ATXN2: variants seen among roughly 807,000 people sequenced by gnomAD.
The protein encoded by ATXN2 is ataxin 2, also known as ataxin-2.
ATXN2 carries 37 observed loss-of-function variants against 138.6 expected under a neutral mutation model. The observed-to-expected ratio is 0.27, with a 90% CI of 0.21 to 0.35. The LOEUF (loss-of-function observed/expected upper bound fraction) is 0.35, where lower values mean the gene tolerates loss of function less well. Among genes scored for constraint, ATXN2 ranks in the 10% least tolerant of loss-of-function variants. The pLI is 1.00. For missense variants in ATXN2, 1,216 were observed against 1,480.3 expected (o/e 0.82, Z 2.93); for synonymous variants, 549 against 543.7 (o/e 1.01, Z -0.13).
intron 1 of ATXN2, among the ~76,000 whole-genome samples, chr12:111,591,763 T>C (rs1434736936): frequency 6.6e-6 from 1 of 152,074 alleles, no homozygotes; most frequent in African/African-American, 2.4e-5. Flanking sequence ...TTTTTTGTTG[T>C]TGTTGTTGTT....
At chr12:111,491,494 C>CA (rs2135706038) in intron 14 of ATXN2, among the ~76,000 whole-genome samples, 1 of 152,194 alleles carries the variant, frequency 6.6e-6, no homozygotes, top group Non-Finnish European at 1.5e-5. Flanking sequence ...TACCACAGCT[C>CA]ACAGCTCTGG....
intron 5 of ATXN2, among the ~76,000 whole-genome samples, chr12:111,538,219 T>A (rs2135765532): frequency 6.6e-6 from 1 of 152,280 alleles, no homozygotes; most frequent in Non-Finnish European, 1.5e-5. Context: ...TATATCCTAT[T>A]TAAGTAATAA....
At chr12:111,455,728 T>C (rs902800055) in intron 23 of ATXN2, 52 of 478,630 alleles carry the variant, frequency 1.1e-4, no homozygotes, top group Admixed American at 8.6e-4. Flanking sequence ...TGAGGCTATA[T>C]AGACATAGCA....
chr12:111,548,201 A>C (rs796302001), intron 5 of ATXN2, among the ~76,000 whole-genome samples: 8 of 152,168 alleles, frequency 5.3e-5, no homozygotes, highest in African/African-American at 1.9e-4. Context: ...CAAAACAAAC[A>C]AACAAACATT....
chr12:111,577,566 G>C (rs113447422), intron 1 of ATXN2, among the ~76,000 whole-genome samples: 1 of 151,574 alleles, frequency 6.6e-6, no homozygotes, highest in African/African-American at 2.4e-5. Flanking sequence ...GGCCCGGCCC[G>C]CATGTTTCAA....
At chr12:111,530,591 G>T (rs1052980110) in intron 5 of ATXN2, among the ~76,000 whole-genome samples, 1 of 152,210 alleles carries the variant, frequency 6.6e-6, no homozygotes, top group African/African-American at 2.4e-5. Flanking sequence ...CAGTCAGGCA[G>T]ATCACGAGGT....
rs547633241 is a variant in ATXN2 at position 111,520,161 on chromosome 12, T to C, written c.789-85A>G. 3.3e-6 allele frequency: 5 copies of C among 1,494,422 alleles called. No individual in the cohort carries two copies. In the African/African-American group the frequency reaches 5.6e-5, roughly 17 times the overall value. 92.6% of individuals were successfully genotyped at this position (1,494,422 alleles called of 1,614,324 possible). On this transcript the variant is annotated intron_variant, in intron 7 of 24. Transcript: ENST00000673436. ...GTCATAATCAACTACTAAGAAAGTTTAGAGTTTAGAATACTGGTAAAAACA... is the reference window on the plus strand; with the variant it reads ...GTCATAATCAACTACTAAGAAAGTTCAGAGTTTAGAATACTGGTAAAAACA...
chr12:111,599,332 G>T (rs1190833080), upstream of ATXN2: 1 of 1,128,116 alleles, frequency 8.9e-7, no homozygotes, highest in Non-Finnish European at 1.1e-6. Context: ...AGGGAGGGGG[G>T]CCGGGGCCGG....
chr12:111,481,628 G>C (rs1877246665), intron 18 of ATXN2, among the ~76,000 whole-genome samples: 1 of 152,054 alleles, frequency 6.6e-6, no homozygotes, highest in Admixed American at 6.6e-5. Context: ...TCTACTTTAG[G>C]AGAAATGAAA....
intron 1 of ATXN2, among the ~76,000 whole-genome samples, chr12:111,591,818 A>C (rs1050770919): frequency 2.6e-5 from 4 of 152,174 alleles, no homozygotes; most frequent in Non-Finnish European, 4.4e-5. Context: ...ACGGTGGCTC[A>C]TGCCTATAAT....
At position 111,516,350 on chromosome 12, in the gene ATXN2, T is replaced by C; in HGVS notation, c.1179A>G (p.Pro393=). ...GAGAGGAAGGAGATGGGCAAGGCGA[T>C]GGCCAGGGAACACCTGACAGAACAA... is the stretch of plus-strand genomic sequence containing the variant. The part of the protein sequence containing the change: ...QRVVNGGVPW[P]SPCPSPSSRP... The change falls in exon 10 of 25, where the codon CCA becomes CCG. Residue 393 remains proline (P), a synonymous_variant. Coordinates refer to ENST00000673436, the MANE Select transcript of ATXN2 (RefSeq NM_001372574.1). This position sits in a 1 kb window ranked among gnomAD's most constrained non-coding sequence, Gnocchi z 5.0. 2 of 1,579,892 alleles carry C rather than the reference T, an allele frequency of 1.3e-6. No homozygotes were observed. The highest frequency in any genetic ancestry group is 1.1e-5 in the South Asian group (1 of 87,202).
At chr12:111,522,023 CAT>C (rs1215063765) in intron 6 of ATXN2, among the ~76,000 whole-genome samples, 1 of 152,074 alleles carries the variant, frequency 6.6e-6, no homozygotes, top group Non-Finnish European at 1.5e-5. Context: ...AGAATGAACA[CAT>C]CAACCAAGCA....
chr12:111,576,776 G>A (rs974391069), intron 1 of ATXN2, among the ~76,000 whole-genome samples: 11 of 151,420 alleles, frequency 7.3e-5, no homozygotes, highest in African/African-American at 1.7e-4. Context: ...CAGATAACAC[G>A]GCGAAACCCC....
chr12:111,596,736 G>C (rs776058229), intron 1 of ATXN2, among the ~76,000 whole-genome samples: 2 of 152,090 alleles, frequency 1.3e-5, no homozygotes, highest in Non-Finnish European at 2.9e-5. Context: ...TCAAGTAAAA[G>C]AACTTAAAGC....
Position 111,599,072 on chromosome 12 carries a change from G to C in ATXN2, c.-38C>G. 9.1e-6 allele frequency: 13 copies of C among 1,422,956 alleles called. No individual in the cohort carries two copies. The highest frequency in any genetic ancestry group is 1.2e-5 in the Non-Finnish European group (13 of 1,087,626). 88.1% of individuals were successfully genotyped at this position (1,422,956 alleles called of 1,614,324 possible). ...ATACACCGGCTCGCACGCCGGGCGG[G>C]GACAGCCGGGAGCCGGGCGCGCCAA... On this transcript the variant is annotated 5_prime_UTR_variant, in exon 1 of 25. Transcript: ENST00000673436.
chr12:111,483,188 AACACATACACACACACACACACACACAC>A (rs1159936566), intron 18 of ATXN2, among the ~76,000 whole-genome samples: 9 of 119,012 alleles, frequency 7.6e-5, no homozygotes, highest in African/African-American at 2.2e-4. Flanking sequence ...CCCTGTATCA[AACACATACACACACACACACACACACAC>A]ACACACACAC....
At position 111,598,717 on chromosome 12, in the gene ATXN2, G is replaced by C; in HGVS notation, c.251+67C>G. On this transcript the variant is annotated intron_variant, in intron 1 of 24. Coordinates refer to ENST00000673436, the MANE Select transcript of ATXN2 (RefSeq NM_001372574.1). This position sits in a 1 kb window ranked among gnomAD's most constrained non-coding sequence, Gnocchi z 4.5. ...CCCGGCGGGTCACGGGGCGGGGACG[G>C]CGGCGCGGGCCGCGGGGGAGGGGAC... 1 of 987,710 alleles carries C rather than the reference G, an allele frequency of 1.0e-6. No homozygotes were observed. The highest frequency in any genetic ancestry group is 1.2e-6 in the Non-Finnish European group (1 of 802,452). 61.2% of individuals were successfully genotyped at this position (987,710 alleles called of 1,614,324 possible). A position where few individuals can be genotyped will look rare whatever the true frequency, so the allele number is the denominator to read the frequency against.
Position 111,552,165 on chromosome 12 carries a change from G to A in ATXN2, c.571+115C>T. 1 of 1,129,126 alleles carries A rather than the reference G, an allele frequency of 8.9e-7. No homozygotes were observed. The highest frequency in any genetic ancestry group is 1.6e-5 in the African/African-American group (1 of 61,314). 69.9% of individuals were successfully genotyped at this position (1,129,126 alleles called of 1,614,324 possible). ...CTAAGTGCTAAGATTACAGGAATGA[G>A]CCGCCATACCCAGCCCAGATATTTC... is the stretch of plus-strand genomic sequence containing the variant. On this transcript the variant is annotated intron_variant, in intron 5 of 24. Transcript: ENST00000673436. This position sits in a 1 kb window ranked among gnomAD's most constrained non-coding sequence, Gnocchi z 4.1.
Position 111,598,459 on chromosome 12 carries a change from G to A in ATXN2, c.251+325C>T. The A allele has an allele frequency of 1.0e-6, 1 of 985,478 alleles. No homozygotes were observed. Among genetic ancestry groups the A allele is most frequent in the Non-Finnish European group, 1.2e-6 (1 of 830,066 alleles). 61.0% of individuals were successfully genotyped at this position (985,478 alleles called of 1,614,324 possible). On this transcript the variant is annotated intron_variant, in intron 1 of 24. Transcript: ENST00000673436. This position sits in a 1 kb window ranked among gnomAD's most constrained non-coding sequence, Gnocchi z 4.5. Reference sequence around the variant, plus strand: ...GCGGGCGGAGGATCGTGCGGAAGGGGGAGCCGGGGCTGACCATCGCCGCTA... The same window carrying A: ...GCGGGCGGAGGATCGTGCGGAAGGGAGAGCCGGGGCTGACCATCGCCGCTA...
Sources: allele counts gnomAD v4.1 joint callset (sites outside exome capture counted in the v4.1 genomes callset), GRCh38; gene constraint gnomAD v4.1.1; non-coding constraint Gnocchi (gnomAD v3.1); transcripts MANE v1.5; gene names NCBI Gene and HGNC (gene_info 2026-07-23, HGNC 2026-07-21).